Variants in NAV2 observed in about 807,000 individuals in gnomAD.
NAV2 encodes the protein helicase, APC down-regulated 1.
A neutral mutation model predicts 223.2 loss-of-function variants in NAV2; 54 were observed. The observed-to-expected ratio is 0.24, with a 90% CI of 0.19 to 0.30. The LOEUF (loss-of-function observed/expected upper bound fraction) is 0.30, where lower values mean the gene tolerates loss of function less well. NAV2 is among the 10% of genes least tolerant of loss of function. The pLI is 1.00. For synonymous variants in NAV2, 1,279 were observed against 1,239.3 expected (o/e 1.03, Z -0.67); for missense variants, 2,806 against 3,147.5 (o/e 0.89, Z 2.60).
At chr11:19,979,181 T>C (rs1343614203) in intron 10 of NAV2, 1 of 152,156 alleles carries the variant, frequency 6.6e-6, no homozygotes, top group East Asian at 1.9e-4. Context: ...TAGGAAATGG[T>C]GTGTTCTGAA....
chr11:19,527,568 A>G (rs1170228074), intron 1 of NAV2, among the ~76,000 whole-genome samples: 1 of 151,968 alleles, frequency 6.6e-6, no homozygotes, highest in Non-Finnish European at 1.5e-5. Flanking sequence ...CAGGCTCTCC[A>G]GCCCATTGAA....
At chr11:19,726,663 T>A (rs952929633) in intron 1 of NAV2, among the ~76,000 whole-genome samples, 40 of 152,266 alleles carry the variant, frequency 2.6e-4, no homozygotes, top group Admixed American at 1.4e-3. Context: ...TTTTCTTTTC[T>A]GCCCACTTTT....
intron 1 of NAV2, among the ~76,000 whole-genome samples, chr11:19,453,247 A>G (rs528115269): frequency 3.9e-5 from 6 of 152,264 alleles, no homozygotes; most frequent in Admixed American, 3.9e-4. Flanking sequence ...GGCTCATCAT[A>G]GGTGTTCAAA....
intron 26 of NAV2, among the ~76,000 whole-genome samples, chr11:20,087,759 T>A (rs112454504): frequency 3.9e-5 from 6 of 152,294 alleles, no homozygotes; most frequent in African/African-American, 1.2e-4. Flanking sequence ...TGAGCAGACC[T>A]GCCAGGTTTG....
intron 3 of NAV2, among the ~76,000 whole-genome samples, chr11:19,846,326 G>A (rs547024528): frequency 7.5e-4 from 114 of 152,278 alleles, no homozygotes; most frequent in African/African-American, 2.5e-3. Context: ...TCAACTCCTT[G>A]TCCTGTTGTA....
chr11:19,512,142 G>A lies in NAV2; in HGVS notation c.75+161115G>A, dbSNP rs968410576. On this transcript the variant is annotated intron_variant, in intron 1 of 37. Coordinates refer to the NAV2 transcript ENST00000360655. ...CCATCAGGAAACCACTTCATTCCCT[G>A]GAGAGCTCTCTACCTAGGAGGCTCT... 1.2e-4 allele frequency among the ~76,000 whole-genome samples: 18 copies of A among 152,252 alleles called. No individual in the cohort carries two copies. The East Asian group carries it at 3.5e-3, about 29-fold the overall frequency.
At chr11:19,350,883 G>A (rs1331748176) in exon 1 of NAV2, 1 of 1,478,488 alleles carries the variant, frequency 6.8e-7, no homozygotes, top group Non-Finnish European at 9.3e-7. Flanking sequence ...TCACTTTTGT[G>A]TGGGTTATTT....
In NAV2 at chr11:19,360,821, C is replaced by T. The variant is rs925837107; in HGVS notation, c.75+9794C>T. On this transcript the variant is annotated intron_variant, in intron 1 of 37. Coordinates refer to the NAV2 transcript ENST00000360655. ...ATCATCTCTTGAATGTTTGTCTTTC[C>T]CACTGAACTGCCCCTGTCCTCGCAA... is the stretch of plus-strand genomic sequence containing the variant. 4.1e-4 allele frequency among the ~76,000 whole-genome samples: 63 copies of T among 152,234 alleles called. 1 individual carries two copies. The highest frequency in any genetic ancestry group is 3.3e-4 in the Admixed American group (5 of 15,300).
At chr11:19,738,306 G>A (rs920988466) in intron 1 of NAV2, among the ~76,000 whole-genome samples, 1 of 152,222 alleles carries the variant, frequency 6.6e-6, no homozygotes, top group Non-Finnish European at 1.5e-5. Flanking sequence ...GCAGGGCAGG[G>A]GCCTCTAGAC....
upstream of NAV2, chr11:19,350,624 T>C: frequency 3.0e-6 from 1 of 332,378 alleles, no homozygotes; most frequent in Non-Finnish European, 5.7e-6. Flanking sequence ...GGCAGTAATG[T>C]GGTATGTGCC....
intron 10 of NAV2, among the ~76,000 whole-genome samples, chr11:19,966,913 G>C (rs1473009072): frequency 1.3e-5 from 2 of 152,182 alleles, no homozygotes. Flanking sequence ...TGGGTAATAT[G>C]AGCGGAATGA....
intron 10 of NAV2, among the ~76,000 whole-genome samples, chr11:19,954,855 A>ATG (rs1555167624): frequency 0.069 from 10,466 of 150,808 alleles, 522 homozygotes; most frequent in South Asian, 0.15. Context: ...ATGTGAGTAT[A>ATG]TGTGTGTGTG....
At chr11:19,934,632 G>A (rs995130737) in intron 7 of NAV2, among the ~76,000 whole-genome samples, 3 of 152,294 alleles carry the variant, frequency 2.0e-5, no homozygotes, top group Non-Finnish European at 4.4e-5. Context: ...TCACCCGACA[G>A]TCCCCAGCAT....
At chr11:19,718,253 T>A (rs1008626771) in intron 1 of NAV2, among the ~76,000 whole-genome samples, 1 of 152,210 alleles carries the variant, frequency 6.6e-6, no homozygotes, top group African/African-American at 2.4e-5. Flanking sequence ...TCAGAAACTC[T>A]CTCTGGCTGA....
chr11:20,114,271 A>C (rs1992494), intron 36 of NAV2: 59,852 of 378,688 alleles, frequency 0.16, 8,400 homozygotes, highest in African/African-American at 0.44. Flanking sequence ...GTTTTTCCCC[A>C]AAAGCCAGTT....
chr11:19,713,758 C>T lies in NAV2; in HGVS notation c.63C>T (p.Ala21=). The T allele has an allele frequency of 6.2e-7, 1 of 1,612,360 alleles. No homozygotes were observed. The change falls in exon 1 of 38, where the codon GCC becomes GCT. Residue 21 remains alanine, a synonymous_variant. Coordinates refer to ENST00000349880, the MANE Select transcript of NAV2 (RefSeq NM_145117.5). The surrounding 1 kb of genome is among the most constrained non-coding windows in gnomAD (Gnocchi z 7.2). ...GACTGCCCAAACCCGTGCACAGCGC[C>T]GCGCCCATCCTGCACGTGCCCCCGG... ...KSGLPKPVHS[A]APILHVPPAR...
At chr11:19,637,647 G>A (rs976952577) in intron 1 of NAV2, among the ~76,000 whole-genome samples, 2 of 152,260 alleles carry the variant, frequency 1.3e-5, no homozygotes, top group Non-Finnish European at 2.9e-5. Flanking sequence ...AGGGAGAGCA[G>A]GCATCTCATG....
At chr11:19,604,183 C>A (rs371767748) in intron 1 of NAV2, among the ~76,000 whole-genome samples, 1 of 151,992 alleles carries the variant, frequency 6.6e-6, no homozygotes, top group South Asian at 2.1e-4. Flanking sequence ...CATCGTGTGA[C>A]TTAAACGTTT....
In NAV2 at chr11:20,056,474, G is replaced by GT. The variant is rs149286346; in HGVS notation, c.4831+519dup. 1.5e-3 allele frequency: 1,790 copies of GT among 1,184,002 alleles called. 28 individuals are homozygous for GT. The African/African-American group carries it at 0.023, about 15-fold the overall frequency. 73.3% of individuals were successfully genotyped at this position (1,184,002 alleles called of 1,614,324 possible). A position where few individuals can be genotyped will look rare whatever the true frequency, so the allele number is the denominator to read the frequency against. On this transcript the variant is annotated intron_variant, in intron 19 of 37. Transcript: ENST00000349880. ...TCAGTTATGCCCTTTTCTTTCTTTGGTTGCTAACTGAGAATATTTGGGGTT... is the reference window on the plus strand; with the variant it reads ...TCAGTTATGCCCTTTTCTTTCTTTGGTTTGCTAACTGAGAATATTTGGGGTT...
Sources: gnomAD v4.1 joint callset for allele counts (sites outside exome capture counted in the v4.1 genomes callset) on GRCh38, gnomAD v4.1.1 for gene constraint, Gnocchi (gnomAD v3.1) non-coding constraint, MANE v1.5 for transcripts, NCBI Gene and HGNC (gene_info 2026-07-23, HGNC 2026-07-21) for gene names.